The following ASB3 variants were observed in gnomAD, a reference collection of about 807,000 sequenced individuals.
ASB3 encodes the protein ankyrin repeat and SOCS box containing 3.
Under a neutral mutation model 54.5 loss-of-function variants are expected in ASB3, and 41 were observed. The observed-to-expected ratio is 0.75, with a 90% confidence interval of 0.59 to 0.98. The LOEUF is 0.98. ASB3 is among the 50% of genes least tolerant of loss of function. The pLI, the probability that ASB3 is intolerant of heterozygous loss-of-function variation, is 0.00. For synonymous variants in ASB3, 266 were observed against 221.2 expected (o/e 1.20, Z -1.80); for missense variants, 733 against 620.0 (o/e 1.18, Z -1.94).
intron 9 of ASB3, among the ~76,000 whole-genome samples, chr2:53,676,904 G>A (rs1447880565): frequency 6.6e-6 from 1 of 152,136 alleles, no homozygotes; most frequent in East Asian, 1.9e-4. Context: ...GAGTTGCTGG[G>A]ATTACAGGCG....
At chr2:53,706,463 T>C (rs993287495) in intron 7 of ASB3, among the ~76,000 whole-genome samples, 2 of 152,116 alleles carry the variant, frequency 1.3e-5, no homozygotes, top group Non-Finnish European at 2.9e-5. Flanking sequence ...TTTTTTGTTT[T>C]TTGAATCTGC....
chr2:53,686,095 C>T (rs1465515580), intron 9 of ASB3, among the ~76,000 whole-genome samples: 1 of 152,190 alleles, frequency 6.6e-6, no homozygotes, highest in Non-Finnish European at 1.5e-5. Flanking sequence ...TTCTGCTCCC[C>T]TTCCCTTTCT....
intron 1 of ASB3, among the ~76,000 whole-genome samples, chr2:53,781,854 A>G (rs1674668018): frequency 2.0e-5 from 3 of 152,206 alleles, no homozygotes; most frequent in African/African-American, 7.2e-5. Flanking sequence ...GATTTAAAAG[A>G]TTCACCTAAT....
chr2:53,782,694 A>G (rs1674716220), intron 1 of ASB3, among the ~76,000 whole-genome samples: 1 of 152,144 alleles, frequency 6.6e-6, no homozygotes, highest in Admixed American at 6.5e-5. Flanking sequence ...GTGGAAGGAG[A>G]GGAGGAAAGA....
intron 5 of ASB3, among the ~76,000 whole-genome samples, chr2:53,721,633 T>C (rs1670718883): frequency 1.3e-5 from 2 of 152,008 alleles, no homozygotes; most frequent in South Asian, 2.1e-4. Flanking sequence ...AATAAAATTA[T>C]GGCAGAAATC....
chr2:53,760,703 C>A (rs1673093539), intron 2 of ASB3, among the ~76,000 whole-genome samples: 1 of 152,184 alleles, frequency 6.6e-6, no homozygotes, highest in Non-Finnish European at 1.5e-5. Flanking sequence ...ATGGCCAAAT[C>A]ATTATTTACT....
chr2:53,733,335 A>G (rs1671425158), intron 3 of ASB3, among the ~76,000 whole-genome samples: 1 of 152,194 alleles, frequency 6.6e-6, no homozygotes, highest in African/African-American at 2.4e-5. Flanking sequence ...TTCTGTGTAG[A>G]AACTTGATTT....
chr2:53,712,862 G>A (rs1357362068), intron 7 of ASB3, among the ~76,000 whole-genome samples: 1 of 152,112 alleles, frequency 6.6e-6, no homozygotes, highest in African/African-American at 2.4e-5. Flanking sequence ...GATAGAGAAA[G>A]GCAACTAAAA....
chr2:53,718,841 T>C (rs558867440), intron 5 of ASB3, among the ~76,000 whole-genome samples: 5 of 151,546 alleles, frequency 3.3e-5, no homozygotes, highest in South Asian at 4.2e-4. Flanking sequence ...ACAACACCCA[T>C]AGGCTCAAAG....
At chr2:53,740,184 C>T (rs1432419369) in intron 3 of ASB3, among the ~76,000 whole-genome samples, 2 of 152,284 alleles carry the variant, frequency 1.3e-5, no homozygotes, top group East Asian at 3.9e-4. Context: ...TTGAGTTCTA[C>T]ATGTACTCTG....
At chr2:53,773,740 A>C (rs1674116453) in intron 1 of ASB3, among the ~76,000 whole-genome samples, 1 of 151,796 alleles carries the variant, frequency 6.6e-6, no homozygotes, top group Non-Finnish European at 1.5e-5. Flanking sequence ...ACTTTTAAAA[A>C]TATACAAGAT....
At chr2:53,768,078 C>G (rs938404977) in intron 1 of ASB3, 1 of 1,590,066 alleles carries the variant, frequency 6.3e-7, no homozygotes, top group Non-Finnish European at 8.6e-7. Context: ...CTCCCCAACT[C>G]CACACACAGC....
chr2:53,766,319 G>C (rs140559348), intron 1 of ASB3, among the ~76,000 whole-genome samples: 5 of 152,300 alleles, frequency 3.3e-5, no homozygotes, highest in African/African-American at 1.2e-4. Context: ...CCTCCAGTCA[G>C]AGTCCAGTAT....
At chr2:53,742,249 G>A (rs866618975) in intron 3 of ASB3, among the ~76,000 whole-genome samples, 2 of 152,088 alleles carry the variant, frequency 1.3e-5, no homozygotes, top group Non-Finnish European at 2.9e-5. Flanking sequence ...AAAATCCTGA[G>A]TCTAAAGGAA....
intron 7 of ASB3, among the ~76,000 whole-genome samples, chr2:53,703,246 C>T (rs1274983501): frequency 6.6e-6 from 1 of 152,158 alleles, no homozygotes. Flanking sequence ...TCTTGAAAGA[C>T]TGGCTTCATA....
rs923370800 is a variant in ASB3, at chr2:53,670,224, A to T, written c.*279T>A. 5 of 250,372 alleles carry T rather than the reference A, an allele frequency of 2.0e-5. No homozygotes were observed. The highest frequency in any genetic ancestry group is 3.0e-5 in the Non-Finnish European group (4 of 133,148). 15.5% of individuals were successfully genotyped at this position (250,372 alleles called of 1,614,324 possible). On this transcript the variant is annotated 3_prime_UTR_variant, in exon 10 of 10. Coordinates refer to ENST00000263634, the MANE Select transcript of ASB3 (RefSeq NM_016115.5). The stretch of plus-strand genomic sequence containing the variant: ...AGAAAATGATCAAAATGATCAGGTA[A>T]ATAAATATTACAACATATAATGTAC...
chr2:53,767,678 G>C (rs1673565810), intron 1 of ASB3: 2 of 603,066 alleles, frequency 3.3e-6, no homozygotes, highest in South Asian at 2.0e-5. Flanking sequence ...AATGCCTCTT[G>C]ACACCCTAAT....
intron 3 of ASB3, among the ~76,000 whole-genome samples, chr2:53,743,433 T>G (rs1272382683): frequency 6.6e-6 from 1 of 152,164 alleles, no homozygotes; most frequent in African/African-American, 2.4e-5. Context: ...AAATAACTGG[T>G]GATAAACTTC....
At chr2:53,699,221 C>T (rs958157113) in intron 8 of ASB3, among the ~76,000 whole-genome samples, 1 of 152,184 alleles carries the variant, frequency 6.6e-6, no homozygotes, top group South Asian at 2.1e-4. Flanking sequence ...ACTGGGGCAC[C>T]ATCTTGATGA....
Sources: allele counts gnomAD v4.1 joint callset (sites outside exome capture counted in the v4.1 genomes callset), GRCh38; gene constraint gnomAD v4.1.1; transcripts MANE v1.5; gene names NCBI Gene and HGNC (gene_info 2026-07-23, HGNC 2026-07-21).